Variants in SIPA1L2 observed in about 807,000 individuals in gnomAD.
SIPA1L2 encodes signal induced proliferation associated 1 like 2.
SIPA1L2 carries 56 observed loss-of-function variants against 163.9 expected under a neutral mutation model. The ratio of observed to expected loss-of-function variants is 0.34; its 90% CI spans 0.28 to 0.43. The LOEUF (loss-of-function observed/expected upper bound fraction) is 0.43. Ranked by LOEUF, SIPA1L2 falls within the 20% of genes least tolerant of loss-of-function variation. The pLI is 1.00. For missense variants in SIPA1L2, 1,974 were observed against 2,193.5 expected (o/e 0.90, Z 2.00); for synonymous variants, 877 against 865.7 (o/e 1.01, Z -0.23).
intron 2 of SIPA1L2, among the ~76,000 whole-genome samples, chr1:232,532,657 C>T (rs1163718303): frequency 1.3e-5 from 2 of 152,196 alleles, no homozygotes; most frequent in Non-Finnish European, 2.9e-5. Context: ...CAGTAAAGCA[C>T]ATCCCATAAC....
chr1:232,445,974 C>T (rs554991749), intron 10 of SIPA1L2, among the ~76,000 whole-genome samples, 188 bp from the exon 11 acceptor site: 1 of 152,182 alleles, frequency 6.6e-6, no homozygotes, highest in African/African-American at 2.4e-5. Context: ...CCACACTATT[C>T]AATTCCTCTT....
intron 3 of SIPA1L2, among the ~76,000 whole-genome samples, chr1:232,511,960 T>A (rs1003348659): frequency 1.3e-5 from 2 of 151,974 alleles, no homozygotes; most frequent in African/African-American, 4.8e-5. Flanking sequence ...TGGGAGAAAA[T>A]TTTTGCAATC....
chr1:232,449,314 T>A (rs369886779), intron 10 of SIPA1L2, among the ~76,000 whole-genome samples: 109 of 151,478 alleles, frequency 7.2e-4, no homozygotes, highest in African/African-American at 2.5e-3. Flanking sequence ...GTCAGGAGAT[T>A]GAGACCATCC....
At chr1:232,577,189 T>C (rs1284305332) in intron 1 of SIPA1L2, among the ~76,000 whole-genome samples, 1 of 152,208 alleles carries the variant, frequency 6.6e-6, no homozygotes, top group Non-Finnish European at 1.5e-5. Flanking sequence ...TTAAGAATTA[T>C]GCTAAATCTA....
chr1:232,478,594 A>G (rs1370341157), intron 7 of SIPA1L2, among the ~76,000 whole-genome samples: 3 of 152,210 alleles, frequency 2.0e-5, no homozygotes, highest in Non-Finnish European at 2.9e-5. Context: ...AGCTATTCCT[A>G]TGTAGTCCTT....
At position 232,518,629 on chromosome 1, in the gene SIPA1L2, T is replaced by C. The variant is rs1007687445; in HGVS notation, c.-269-3021A>G. On this transcript the variant is annotated intron_variant, in intron 2 of 22. Coordinates refer to ENST00000674635, the MANE Select transcript of SIPA1L2 (RefSeq NM_020808.5). ...TAAATGGAGCATCCACTGCTTGAGC[T>C]GAACTGACAACCATTCATGATCATC... is the stretch of plus-strand genomic sequence containing the variant. Among the ~76,000 whole-genome samples, 5 of 152,298 alleles carry C rather than the reference T, an allele frequency of 3.3e-5. No homozygotes were observed. In the South Asian group the frequency reaches 1.0e-3, roughly 32 times the overall value.
At chr1:232,572,449 G>A (rs1659785305) in intron 2 of SIPA1L2, among the ~76,000 whole-genome samples, 1 of 152,008 alleles carries the variant, frequency 6.6e-6, no homozygotes. Flanking sequence ...CAAGTCTCTT[G>A]ATTCCCATTA....
intron 1 of SIPA1L2, among the ~76,000 whole-genome samples, chr1:232,579,525 C>G (rs1297973317): frequency 1.3e-5 from 2 of 152,204 alleles, no homozygotes; most frequent in African/African-American, 4.8e-5. Context: ...GCATTTCCTA[C>G]AGGATAAGCA....
chr1:232,410,697 G>A (rs1660900615), intron 19 of SIPA1L2, among the ~76,000 whole-genome samples: 1 of 151,998 alleles, frequency 6.6e-6, no homozygotes. Context: ...GCCTTTGACC[G>A]TTTCTTATGC....
At chr1:232,437,065 C>A (rs1303885733) in intron 15 of SIPA1L2, among the ~76,000 whole-genome samples, 1 of 152,142 alleles carries the variant, frequency 6.6e-6, no homozygotes, top group African/African-American at 2.4e-5. Context: ...AATAGTCTAG[C>A]CCATTAAATT....
intron 1 of SIPA1L2, among the ~76,000 whole-genome samples, chr1:232,599,096 C>T (rs1661447549): frequency 6.6e-6 from 1 of 152,156 alleles, no homozygotes; most frequent in South Asian, 2.1e-4. Context: ...AACATTAGTT[C>T]CCTTAGCAAA....
chr1:232,483,959 A>C lies in SIPA1L2; in HGVS notation c.1814T>G (p.Phe605Cys). 6.2e-7 allele frequency: 1 copy of C among 1,607,970 alleles called. No individual in the cohort carries two copies. Among genetic ancestry groups the C allele is most frequent in the Non-Finnish European group, 8.5e-7 (1 of 1,178,354 alleles). ...LLKLDEQGLS[F>C]QHKIGILYCK... ...ATAAAGGATCCCGATCTTGTGCTGAAAGCTCAGCTGAAATGGGGGAGAAAT... is the reference window on the plus strand; with the variant it reads ...ATAAAGGATCCCGATCTTGTGCTGACAGCTCAGCTGAAATGGGGGAGAAAT... The change falls in exon 6 of 23, where the codon TTT (phenylalanine) becomes TGT (cysteine). Residue 605 changes from phenylalanine to cysteine, a missense_variant. This residue lies in a region of SIPA1L2 where 288 missense variants were observed against 418.9 expected (regional missense o/e 0.69). Coordinates refer to ENST00000674635, the MANE Select transcript of SIPA1L2 (RefSeq NM_020808.5).
At chr1:232,526,181 A>G (rs763679044) in intron 2 of SIPA1L2, among the ~76,000 whole-genome samples, 15 of 152,206 alleles carry the variant, frequency 9.9e-5, no homozygotes, top group Non-Finnish European at 1.8e-4. Flanking sequence ...ACGCCAGTTA[A>G]AGTGGACTGT....
At chr1:232,471,878 G>A (rs1664818278) in intron 7 of SIPA1L2, among the ~76,000 whole-genome samples, 1 of 152,182 alleles carries the variant, frequency 6.6e-6, no homozygotes, top group Non-Finnish European at 1.5e-5. Flanking sequence ...AGACGACAAA[G>A]TCCAAGAGAG....
chr1:232,534,366 A>C (rs1657174375), intron 2 of SIPA1L2, among the ~76,000 whole-genome samples: 1 of 152,226 alleles, frequency 6.6e-6, no homozygotes, highest in African/African-American at 2.4e-5. Context: ...ACCTTCAGCT[A>C]ACGGCATATA....
At chr1:232,437,408 A>G (rs954900863) in intron 15 of SIPA1L2, among the ~76,000 whole-genome samples, 5 of 152,238 alleles carry the variant, frequency 3.3e-5, no homozygotes, top group African/African-American at 1.2e-4. Context: ...TATATTAGTT[A>G]TTAGTACTAA....
At chr1:232,483,989 T>C (rs202111412) in intron 5 of SIPA1L2, 23 bp from the exon 6 acceptor site, 2 of 1,595,550 alleles carry the variant, frequency 1.3e-6, no homozygotes, top group Admixed American at 3.7e-5. Flanking sequence ...AGAAATATAA[T>C]TACTTGGCAA....
intron 2 of SIPA1L2, chr1:232,561,331 T>C (rs916667834): frequency 2.0e-5 from 3 of 152,260 alleles, no homozygotes; most frequent in South Asian, 2.1e-4. Context: ...TTTGCACATA[T>C]GTACCTGTCA....
chr1:232,601,547 T>C lies in SIPA1L2; in HGVS notation c.-318-27325A>G, dbSNP rs967560051. Among the ~76,000 whole-genome samples the C allele has an allele frequency of 1.9e-4, 29 of 152,344 alleles. No individual in the cohort carries two copies. In the East Asian group the frequency reaches 3.3e-3, roughly 17 times the overall value. Reference sequence around the variant, plus strand: ...TATAGCCCATGGTCCCTTGAATCCATATGGCTTCCAGTTTTTATGTGTCTT... The same window carrying C: ...TATAGCCCATGGTCCCTTGAATCCACATGGCTTCCAGTTTTTATGTGTCTT... On this transcript the variant is annotated intron_variant, in intron 1 of 22. Transcript: ENST00000674635.
Sources: gnomAD v4.1 joint callset for allele counts (sites outside exome capture counted in the v4.1 genomes callset) on GRCh38, gnomAD v4.1.1 for gene constraint, gnomAD v4.1.1 regional missense constraint, MANE v1.5 for transcripts, NCBI Gene and HGNC (gene_info 2026-07-23, HGNC 2026-07-21) for gene names.